The following SOCS2 variants were observed in gnomAD, a reference collection of about 807,000 sequenced individuals.
SOCS2 encodes CIS-2.
In SOCS2, 10 loss-of-function variants were observed where a neutral mutation model predicts 18.6. The ratio of observed to expected loss-of-function variants is 0.54; its 90% CI spans 0.33 to 0.91. The LOEUF (loss-of-function observed/expected upper bound fraction) is 0.91, where lower values mean the gene tolerates loss of function less well. Among genes scored for constraint, SOCS2 ranks in the 40% least tolerant of loss-of-function variants. The pLI, the probability that SOCS2 is intolerant of heterozygous loss-of-function variation, is 0.02. For missense variants in SOCS2, 231 were observed against 247.2 expected (o/e 0.93, Z 0.44); for synonymous variants, 104 against 104.0 (o/e 1.00, Z 0.00).
At position 93,575,055 on chromosome 12, in the gene SOCS2, C is replaced by A. The variant is rs142112015; in HGVS notation, c.473C>A (p.Thr158Lys). The A allele has an allele frequency of 9.2e-5, 148 of 1,614,032 alleles. No individual in the cohort carries two copies. The highest frequency in any genetic ancestry group is 1.2e-4 in the Non-Finnish European group (139 of 1,180,010). Residue 158 changes from threonine to lysine, a missense_variant, in exon 2 of 2, where the codon ACG becomes AAG. Thr to Lys is a moderately conservative substitution (Grantham distance 78, BLOSUM62 -1). Coordinates refer to ENST00000551556, the MANE Select transcript of SOCS2 (RefSeq NM_001270471.2). ...VHLYLTKPLYTSAPSLQHLCR... is the reference protein window; with the variant it reads ...VHLYLTKPLYKSAPSLQHLCR... ...CTTTATCTGACCAAACCGCTCTACA[C>A]GTCAGCACCATCTCTGCAGCATCTC...
At chr12:93,588,469 AAACTC>A (rs1466989250), downstream of SOCS2, among the ~76,000 whole-genome samples, 1 of 152,164 alleles carries the variant, frequency 6.6e-6, no homozygotes, top group African/African-American at 2.4e-5. Flanking sequence ...AAAAAAGTCA[AAACTC>A]AACACACCAG....
the SOCS2 span, among the ~76,000 whole-genome samples, chr12:93,615,432 A>G: frequency 2.0e-5 from 3 of 152,214 alleles, no homozygotes; most frequent in African/African-American, 7.2e-5. Flanking sequence ...GTAGATAGAA[A>G]AGGCCTGTGT....
At chr12:93,593,655 A>G in the SOCS2 span, among the ~76,000 whole-genome samples, 1 of 152,206 alleles carries the variant, frequency 6.6e-6, no homozygotes, top group Admixed American at 6.5e-5. Flanking sequence ...CAGGACTTTT[A>G]CAAGTATTTT....
chr12:93,582,090 C>T (rs1021529002), intron 1 of SOCS2, among the ~76,000 whole-genome samples: 2 of 152,266 alleles, frequency 1.3e-5, no homozygotes, highest in East Asian at 1.9e-4. Context: ...AGTTACTTTG[C>T]GGACAGGGTG....
chr12:93,582,605 T>C (rs1025616198), intron 1 of SOCS2, among the ~76,000 whole-genome samples: 2 of 152,144 alleles, frequency 1.3e-5, no homozygotes, highest in Admixed American at 1.3e-4. Context: ...ACGCTTCCCT[T>C]TGAGGAGCGG....
chr12:93,574,343 A>AT (rs1317979011), intron 1 of SOCS2: 2 of 149,532 alleles, frequency 1.3e-5, no homozygotes, highest in African/African-American at 2.5e-5. Flanking sequence ...CTAACTTCTG[A>AT]TTTTTTTCTA....
the SOCS2 span, among the ~76,000 whole-genome samples, chr12:93,608,554 G>A: frequency 1.6e-4 from 25 of 151,986 alleles, no homozygotes; most frequent in African/African-American, 6.0e-4. Flanking sequence ...TAAAACTGAG[G>A]ATGATATTAC....
downstream of SOCS2, among the ~76,000 whole-genome samples, chr12:93,587,947 A>G (rs1459917356): frequency 6.6e-6 from 1 of 152,230 alleles, no homozygotes; most frequent in Non-Finnish European, 1.5e-5. Context: ...AGGCTTTTGA[A>G]CAACAGAGTG....
chr12:93,614,685 A>G, the SOCS2 span, among the ~76,000 whole-genome samples: 1 of 144,864 alleles, frequency 6.9e-6, no homozygotes, highest in East Asian at 2.0e-4. Flanking sequence ...GTGTGATCTC[A>G]GCCCACTGCT....
the SOCS2 span, among the ~76,000 whole-genome samples, chr12:93,621,712 G>C: frequency 3.9e-5 from 6 of 151,992 alleles, no homozygotes; most frequent in African/African-American, 1.2e-4. Context: ...TTGAACCCCT[G>C]GCCTCAAGCA....
At chr12:93,571,883 A>G, upstream of SOCS2, 1 of 403,242 alleles carries the variant, frequency 2.5e-6, no homozygotes, top group Non-Finnish European at 4.8e-6. Flanking sequence ...CCTGGTGCGG[A>G]GGCGGCGGCG....
At chr12:93,573,137 A>G (rs2136690901) in intron 1 of SOCS2, 101 bp downstream of exon 1, 1 of 1,424,060 alleles carries the variant, frequency 7.0e-7, no homozygotes. Context: ...TAAGATGGAA[A>G]TACGTCCCTT....
chr12:93,585,542 G>A (rs1056140491), downstream of SOCS2, among the ~76,000 whole-genome samples: 9 of 152,188 alleles, frequency 5.9e-5, no homozygotes, highest in Non-Finnish European at 1.3e-4. Flanking sequence ...GAGCGGCATG[G>A]TGTAACCACC....
the SOCS2 span, among the ~76,000 whole-genome samples, chr12:93,605,220 G>A: frequency 2.2e-3 from 332 of 152,196 alleles, 2 homozygotes; most frequent in African/African-American, 7.6e-3. Flanking sequence ...TAGTTGTTGC[G>A]GCTTGTCTTT....
At chr12:93,594,507 G>C in the SOCS2 span, among the ~76,000 whole-genome samples, 61,380 of 151,980 alleles carry the variant, frequency 0.4, 14,516 homozygotes, top group African/African-American at 0.67. Context: ...TTTCTCAAAT[G>C]TGTCATTTAA....
chr12:93,578,396 C>A (rs1565843722), downstream of SOCS2, among the ~76,000 whole-genome samples: 2 of 152,132 alleles, frequency 1.3e-5, no homozygotes, highest in Non-Finnish European at 2.9e-5. Flanking sequence ...CCAGGCTATG[C>A]CCTTCTCAGT....
chr12:93,611,686 A>G, the SOCS2 span, among the ~76,000 whole-genome samples: 5 of 152,292 alleles, frequency 3.3e-5, no homozygotes, highest in South Asian at 6.2e-4. Context: ...CAGGAGTCAT[A>G]TTTTATTCTG....
the SOCS2 span, among the ~76,000 whole-genome samples, chr12:93,592,789 G>C: frequency 3.3e-5 from 5 of 152,108 alleles, no homozygotes; most frequent in African/African-American, 1.2e-4. Context: ...TAGTGGAAAG[G>C]CCTCAACAAC....
chr12:93,604,785 T>A, the SOCS2 span, among the ~76,000 whole-genome samples: 270 of 152,108 alleles, frequency 1.8e-3, 3 homozygotes, highest in African/African-American at 5.6e-3. Context: ...TCAGCCCCCA[T>A]CGTAGCTGGG....
Sources: gnomAD v4.1 joint callset for allele counts (sites outside exome capture counted in the v4.1 genomes callset) on GRCh38, gnomAD v4.1.1 for gene constraint, MANE v1.5 for transcripts, NCBI Gene and HGNC (gene_info 2026-07-23, HGNC 2026-07-21) for gene names.